SORCS2: variants seen among roughly 807,000 people sequenced by gnomAD.
SORCS2 encodes sortilin related VPS10 domain containing receptor 2.
In SORCS2, 100 loss-of-function variants were observed where a neutral mutation model predicts 141.6. The ratio of observed to expected loss-of-function variants is 0.71; its 90% confidence interval spans 0.60 to 0.83. The LOEUF (loss-of-function observed/expected upper bound fraction) is 0.83, where lower values mean the gene tolerates loss of function less well. SORCS2 is among the 40% of genes least tolerant of loss of function. The pLI is 0.00. For synonymous variants in SORCS2, 789 were observed against 676.9 expected (o/e 1.17, Z -2.57); for missense variants, 1,646 against 1,560.2 (o/e 1.05, Z -0.93).
At chr4:7,692,481 A>G (rs896654512) in intron 11 of SORCS2, among the ~76,000 whole-genome samples, 3 of 152,246 alleles carry the variant, frequency 2.0e-5, no homozygotes, top group African/African-American at 7.2e-5. Flanking sequence ...GAGACAGGGT[A>G]TGGCAGGAAA....
intron 2 of SORCS2, among the ~76,000 whole-genome samples, chr4:7,424,199 G>C (rs2109199578): frequency 6.6e-6 from 1 of 152,300 alleles, no homozygotes; most frequent in East Asian, 1.9e-4. Flanking sequence ...AGGGGACTCT[G>C]CTGTCATTAG....
chr4:7,312,410 G>T (rs573614474), intron 1 of SORCS2, among the ~76,000 whole-genome samples: 1 of 152,122 alleles, frequency 6.6e-6, no homozygotes, highest in African/African-American at 2.4e-5. Context: ...GGTTTTGCTC[G>T]GATCAGGGCA....
chr4:7,690,171 G>A (rs933221683), intron 11 of SORCS2, among the ~76,000 whole-genome samples: 1 of 149,426 alleles, frequency 6.7e-6, no homozygotes. Context: ...GGATGGATGA[G>A]TGGATAGACG....
intron 23 of SORCS2, among the ~76,000 whole-genome samples, chr4:7,730,840 A>G (rs1167524740): frequency 3.3e-5 from 5 of 152,218 alleles, no homozygotes; most frequent in African/African-American, 1.2e-4. Flanking sequence ...GGAATATACT[A>G]CAATGCATTA....
Position 7,504,975 on chromosome 4 carries a change from C to T in SORCS2, c.549-26555C>T, listed in dbSNP as rs552081238. ...GCTTCTTGAACTGGAAAAAGTCCAC[C>T]TCTGAGCCAGGGGACCGAACCCTCC... On this transcript the variant is annotated intron_variant, in intron 2 of 26. Coordinates refer to ENST00000507866, the MANE Select transcript of SORCS2 (RefSeq NM_020777.3). 7.9e-5 allele frequency among the ~76,000 whole-genome samples: 12 copies of T among 152,336 alleles called. No homozygotes were observed. In the East Asian group the frequency reaches 2.1e-3, roughly 27 times the overall value.
At chr4:7,629,802 G>C (rs1194123854) in intron 3 of SORCS2, among the ~76,000 whole-genome samples, 1 of 151,914 alleles carries the variant, frequency 6.6e-6, no homozygotes, top group African/African-American at 2.4e-5. Context: ...AACCTCAGCA[G>C]CTCAAACTGA....
At chr4:7,364,840 G>T (rs1173128847) in intron 1 of SORCS2, among the ~76,000 whole-genome samples, 1 of 152,234 alleles carries the variant, frequency 6.6e-6, no homozygotes, top group Non-Finnish European at 1.5e-5. Flanking sequence ...GGATGACAGA[G>T]CCTGTGTTCA....
intron 3 of SORCS2, among the ~76,000 whole-genome samples, chr4:7,609,965 G>A (rs781707944): frequency 8.5e-5 from 13 of 152,300 alleles, no homozygotes; most frequent in Admixed American, 2.0e-4. Flanking sequence ...AGTTGTGCTC[G>A]GGGCGGATAG....
intron 1 of SORCS2, among the ~76,000 whole-genome samples, chr4:7,278,877 G>C (rs868260141): frequency 1.3e-4 from 20 of 152,318 alleles, no homozygotes; most frequent in Middle Eastern, 3.4e-3. Flanking sequence ...TGCTCTCTTA[G>C]AGCTTAGAAA....
At chr4:7,695,188 G>A (rs1724516230) in intron 11 of SORCS2, among the ~76,000 whole-genome samples, 1 of 150,268 alleles carries the variant, frequency 6.7e-6, no homozygotes, top group African/African-American at 2.5e-5. Context: ...TCAATTGGAT[G>A]GATATTAGAT....
intron 22 of SORCS2, among the ~76,000 whole-genome samples, chr4:7,728,691 G>A (rs1382727772): frequency 2.0e-5 from 3 of 152,204 alleles, no homozygotes; most frequent in African/African-American, 4.8e-5. Flanking sequence ...ACAGGGGAGG[G>A]ACCACAGGCA....
chr4:7,475,932 C>T (rs1040037820), intron 2 of SORCS2, among the ~76,000 whole-genome samples: 8 of 152,236 alleles, frequency 5.3e-5, no homozygotes, highest in Admixed American at 2.0e-4. Context: ...CTTGTCCCTT[C>T]GGCTGTGACG....
At chr4:7,622,043 GCCTGGAAATACCCACGT>G (rs1196969006) in intron 3 of SORCS2, among the ~76,000 whole-genome samples, 2 of 152,130 alleles carry the variant, frequency 1.3e-5, no homozygotes, top group African/African-American at 2.4e-5. Context: ...CCTCAGTAAG[GCCTGGAAATACCCACGT>G]CCTGCCCCAG....
intron 1 of SORCS2, among the ~76,000 whole-genome samples, chr4:7,290,941 G>A (rs576526964): frequency 3.8e-4 from 58 of 152,226 alleles, no homozygotes; most frequent in Admixed American, 1.4e-3. Flanking sequence ...TGAATTACAC[G>A]GTTCTTTATT....
At chr4:7,436,716 A>G (rs1219449612) in intron 2 of SORCS2, among the ~76,000 whole-genome samples, 5 of 152,176 alleles carry the variant, frequency 3.3e-5, no homozygotes, top group Admixed American at 6.5e-5. Context: ...CTGGGTGTGT[A>G]TTAATTAGGT....
chr4:7,620,708 C>CT (rs1043045306), intron 3 of SORCS2, among the ~76,000 whole-genome samples: 2 of 152,234 alleles, frequency 1.3e-5, no homozygotes, highest in African/African-American at 4.8e-5. Context: ...ATAGGTTGGC[C>CT]TGGAAGGCTG....
intron 1 of SORCS2, among the ~76,000 whole-genome samples, chr4:7,374,129 CTCTTTCTTTCTTTCTTTCTTTCTT>C (rs1162945229): frequency 1.9e-3 from 100 of 51,860 alleles, no homozygotes; most frequent in Non-Finnish European, 3.2e-3. Context: ...CTTTCTTTCC[CTCTTTCTTTCTTTCTTTCTTTCTT>C]TCTTTCTTTC....
chr4:7,437,956 G>A (rs1404894781), intron 2 of SORCS2, among the ~76,000 whole-genome samples: 3 of 152,162 alleles, frequency 2.0e-5, no homozygotes, highest in Admixed American at 6.5e-5. Flanking sequence ...AGCGTAGGTG[G>A]AGACATTGTA....
At chr4:7,208,157 C>G (rs1727853685) in intron 1 of SORCS2, among the ~76,000 whole-genome samples, 1 of 152,100 alleles carries the variant, frequency 6.6e-6, no homozygotes, top group African/African-American at 2.4e-5. Context: ...CCCCAGCTCC[C>G]TCCCTGGCCT....
Sources: allele counts gnomAD v4.1 joint callset (sites outside exome capture counted in the v4.1 genomes callset), GRCh38; gene constraint gnomAD v4.1.1; transcripts MANE v1.5; gene names NCBI Gene and HGNC (gene_info 2026-07-23, HGNC 2026-07-21).